Variants in DPP6 observed in about 807,000 individuals in gnomAD.
DPP6 encodes the protein A-type potassium channel modulatory protein DPP6.
A neutral mutation model predicts 122.6 loss-of-function variants in DPP6; 69 were observed. The ratio of observed to expected loss-of-function variants is 0.56; its 90% CI spans 0.46 to 0.69. The LOEUF is 0.69. Among genes scored for constraint, DPP6 ranks in the 30% least tolerant of loss-of-function variants. The pLI is 0.00. For missense variants in DPP6, 928 were observed against 1,116.9 expected (o/e 0.83, Z 2.41); for synonymous variants, 418 against 433.1 (o/e 0.97, Z 0.43).
intron 3 of DPP6, among the ~76,000 whole-genome samples, chr7:154,519,084 G>A (rs1271290158): frequency 6.6e-6 from 1 of 152,246 alleles, no homozygotes; most frequent in Non-Finnish European, 1.5e-5. Context: ...GTGATAACCC[G>A]GTTATCCTGC....
At chr7:154,427,446 A>G (rs1451307302) in intron 1 of DPP6, among the ~76,000 whole-genome samples, 2 of 152,200 alleles carry the variant, frequency 1.3e-5, no homozygotes, top group African/African-American at 4.8e-5. Context: ...ATAATACTTT[A>G]CTCAAAAGTA....
intron 1 of DPP6, among the ~76,000 whole-genome samples, chr7:153,945,884 T>C (rs978914894): frequency 2.6e-5 from 4 of 152,184 alleles, no homozygotes; most frequent in African/African-American, 4.8e-5. Flanking sequence ...TCTTTGTTTT[T>C]ATTGACGTAG....
the DPP6 span, among the ~76,000 whole-genome samples, chr7:153,867,223 C>G: frequency 6.6e-6 from 1 of 152,134 alleles, no homozygotes; most frequent in Non-Finnish European, 1.5e-5. Flanking sequence ...GGCATTGAAT[C>G]TATAAATTAC....
At chr7:154,488,482 G>T (rs1225451253) in intron 3 of DPP6, among the ~76,000 whole-genome samples, 2 of 151,600 alleles carry the variant, frequency 1.3e-5, no homozygotes, top group Non-Finnish European at 2.9e-5. Flanking sequence ...ACACACCCTT[G>T]TAATAAGAAA....
At chr7:153,981,587 G>C (rs1012407693) in intron 1 of DPP6, among the ~76,000 whole-genome samples, 1 of 152,184 alleles carries the variant, frequency 6.6e-6, no homozygotes, top group African/African-American at 2.4e-5. Context: ...CTGTTGTTAT[G>C]ATGGTAGCTG....
intron 7 of DPP6, among the ~76,000 whole-genome samples, chr7:154,695,335 A>C (rs149203862): frequency 2.0e-5 from 3 of 152,186 alleles, no homozygotes; most frequent in African/African-American, 4.8e-5. Context: ...ATGAGCCACT[A>C]TGTTTGCCCA....
chr7:153,826,376 T>A, the DPP6 span, among the ~76,000 whole-genome samples: 1 of 152,194 alleles, frequency 6.6e-6, no homozygotes, highest in Non-Finnish European at 1.5e-5. Flanking sequence ...TTTCTAGATA[T>A]AGAAAACTAG....
rs892994256 is a variant in DPP6, at chr7:154,868,831, C to T, written c.1813+738C>T. 1.1e-4 allele frequency among the ~76,000 whole-genome samples: 16 copies of T among 152,218 alleles called. No individual in the cohort carries two copies. In the East Asian group the frequency reaches 1.2e-3, roughly 11 times the overall value. On this transcript the variant is annotated intron_variant, in intron 18 of 25. Transcript: ENST00000377770. ...AAACCCAAGTGTAAAATGCCCACAGCGGATTTCACTGTCTTCCCCCAGAAC... is the reference window on the plus strand; with the variant it reads ...AAACCCAAGTGTAAAATGCCCACAGTGGATTTCACTGTCTTCCCCCAGAAC...
chr7:154,668,530 A>G (rs916739287), intron 6 of DPP6, among the ~76,000 whole-genome samples: 3 of 151,904 alleles, frequency 2.0e-5, no homozygotes, highest in Non-Finnish European at 4.4e-5. Flanking sequence ...CACATAAGAA[A>G]TTATAGCTAA....
intron 1 of DPP6, among the ~76,000 whole-genome samples, chr7:154,286,959 T>C (rs1280808483): frequency 1.3e-5 from 2 of 152,078 alleles, no homozygotes; most frequent in African/African-American, 4.8e-5. Context: ...TGCACTACCA[T>C]GCCCGGCTAA....
chr7:154,505,529 C>T (rs1470882049), intron 3 of DPP6, among the ~76,000 whole-genome samples: 2 of 152,188 alleles, frequency 1.3e-5, no homozygotes, highest in Non-Finnish European at 2.9e-5. Flanking sequence ...GACAGCTTCG[C>T]AGAAGTTCCT....
At chr7:154,653,646 T>C (rs1307569440) in intron 6 of DPP6, among the ~76,000 whole-genome samples, 2 of 152,214 alleles carry the variant, frequency 1.3e-5, no homozygotes, top group South Asian at 2.1e-4. Flanking sequence ...GATTGATAGA[T>C]AGAAAACAAA....
chr7:154,335,762 G>A (rs1483038731), intron 1 of DPP6, among the ~76,000 whole-genome samples: 1 of 152,072 alleles, frequency 6.6e-6, no homozygotes, highest in Non-Finnish European at 1.5e-5. Flanking sequence ...GGTATTCGTG[G>A]AAAAACATCA....
chr7:154,855,724 G>A (rs1802779120), intron 17 of DPP6, among the ~76,000 whole-genome samples: 1 of 152,186 alleles, frequency 6.6e-6, no homozygotes, highest in Admixed American at 6.5e-5. Flanking sequence ...GACATACTCC[G>A]GCATGACAGT....
intron 1 of DPP6, among the ~76,000 whole-genome samples, chr7:154,076,360 G>A (rs1418083327): frequency 6.6e-6 from 1 of 152,000 alleles, no homozygotes; most frequent in East Asian, 1.9e-4. Context: ...TGAGGCAGGA[G>A]AATCTCTTGA....
At chr7:154,182,126 C>T (rs1472721795) in intron 1 of DPP6, among the ~76,000 whole-genome samples, 1 of 152,088 alleles carries the variant, frequency 6.6e-6, no homozygotes, top group East Asian at 1.9e-4. Flanking sequence ...TGTGATCCTG[C>T]TTGGGTTTAG....
At chr7:154,266,885 TAATC>T in intron 1 of DPP6, among the ~76,000 whole-genome samples, 1 of 152,328 alleles carries the variant, frequency 6.6e-6, no homozygotes, top group South Asian at 2.1e-4. Flanking sequence ...TATGAAAAAT[TAATC>T]AATTTGGTTT....
At position 154,104,162 on chromosome 7, in the gene DPP6, C is replaced by T. The variant is rs4067479; in HGVS notation, c.243+51099C>T. Reference sequence around the variant, plus strand: ...CTTCTACGTGGCCTCACGGAACCCACGTGGCCTTGCCTTTCTGGAATCGCA... The same window carrying T: ...CTTCTACGTGGCCTCACGGAACCCATGTGGCCTTGCCTTTCTGGAATCGCA... On this transcript the variant is annotated intron_variant, in intron 1 of 25. Coordinates refer to ENST00000377770, the MANE Select transcript of DPP6 (RefSeq NM_130797.4). Among the ~76,000 whole-genome samples, 6 of 152,362 alleles carry T rather than the reference C, an allele frequency of 3.9e-5. No individual in the cohort carries two copies. In the South Asian group the frequency reaches 6.2e-4, roughly 16 times the overall value.
chr7:154,463,499 G>A (rs925629531), intron 2 of DPP6, among the ~76,000 whole-genome samples: 58 of 152,016 alleles, frequency 3.8e-4, no homozygotes, highest in African/African-American at 1.3e-3. Context: ...GAGCCACCGC[G>A]CCCAGCCTAC....
Sources: gnomAD v4.1 joint callset for allele counts (sites outside exome capture counted in the v4.1 genomes callset) on GRCh38, gnomAD v4.1.1 for gene constraint, MANE v1.5 for transcripts, NCBI Gene and HGNC (gene_info 2026-07-23, HGNC 2026-07-21) for gene names.